ERICH5: variants seen among roughly 807,000 people sequenced by gnomAD.
ERICH5 encodes the protein glutamate rich 5, also known as glutamate-rich protein 5.
Under a neutral mutation model 28.0 loss-of-function variants are expected in ERICH5, and 24 were observed. The observed-to-expected ratio is 0.86, with a 90% confidence interval of 0.62 to 1.21. ERICH5 has a LOEUF of 1.21. Among genes scored for constraint, ERICH5 ranks in the 50% most tolerant of loss-of-function variants. The pLI, the probability that ERICH5 is intolerant of heterozygous loss-of-function variation, is 0.00. For missense variants in ERICH5, 421 were observed against 441.2 expected, an observed-to-expected ratio of 0.95 and a Z score of 0.41; for synonymous variants, 163 against 157.6, an observed-to-expected ratio of 1.03 and a Z score of -0.25.
intron 2 of ERICH5, among the ~76,000 whole-genome samples, chr8:98,091,368 G>A (rs1391850601): frequency 6.6e-6 from 1 of 152,196 alleles, no homozygotes; most frequent in Non-Finnish European, 1.5e-5. Flanking sequence ...CAGGATGTGC[G>A]TGCATCACCA....
chr8:98,076,556 A>G (rs1815059331), intron 1 of ERICH5, among the ~76,000 whole-genome samples: 1 of 152,154 alleles, frequency 6.6e-6, no homozygotes, highest in Admixed American at 6.5e-5. Flanking sequence ...TCCTTATATT[A>G]TCTTTCATGC....
intron 1 of ERICH5, among the ~76,000 whole-genome samples, chr8:98,067,484 T>G (rs541676193): frequency 2.6e-5 from 4 of 151,854 alleles, no homozygotes; most frequent in African/African-American, 9.7e-5. Context: ...ACTATATGTT[T>G]AAACCAGCTT....
chr8:98,067,557 G>T (rs1221682985), intron 1 of ERICH5, among the ~76,000 whole-genome samples: 2 of 151,422 alleles, frequency 1.3e-5, no homozygotes, highest in Admixed American at 1.3e-4. Flanking sequence ...TAGGTGTGTG[G>T]TCACCCACTA....
At chr8:98,072,404 G>A (rs1814934846) in intron 1 of ERICH5, among the ~76,000 whole-genome samples, 1 of 152,202 alleles carries the variant, frequency 6.6e-6, no homozygotes, top group South Asian at 2.1e-4. Context: ...GGAGGCCAAG[G>A]CAGGAGGATC....
intron 2 of ERICH5, among the ~76,000 whole-genome samples, chr8:98,091,907 T>TTCTTTCTG (rs1815406391): frequency 1.0e-5 from 1 of 100,266 alleles, no homozygotes; most frequent in African/African-American, 4.2e-5. Flanking sequence ...TTTCCTTTCT[T>TTCTTTCTG]TCTTTCTTTC....
chr8:98,078,706 A>G (rs185303951), intron 1 of ERICH5, among the ~76,000 whole-genome samples: 1 of 152,320 alleles, frequency 6.6e-6, no homozygotes, highest in East Asian at 1.9e-4. Flanking sequence ...TTCAGCTGTC[A>G]CAATGAATTT....
Position 98,090,039 on chromosome 8 carries a change from A to G in ERICH5, c.1012+10A>G. On this transcript the variant is annotated intron_variant, in intron 2 of 2. Transcript: ENST00000318528. The stretch of plus-strand genomic sequence containing the variant: ...GACCAACGCATTGAAGGTAAAAGTT[A>G]TGCTGGCAAACCTGGATGTTTAGAT... 6.3e-7 allele frequency: 1 copy of G among 1,591,992 alleles called. No individual in the cohort carries two copies. Among genetic ancestry groups the G allele is most frequent in the South Asian group, 1.1e-5 (1 of 88,722 alleles).
intron 1 of ERICH5, among the ~76,000 whole-genome samples, chr8:98,084,260 C>T (rs1474724606): frequency 2.0e-5 from 3 of 152,084 alleles, no homozygotes; most frequent in Non-Finnish European, 4.4e-5. Context: ...CTCTTTTCAG[C>T]CCCTGAACTG....
chr8:98,085,283 C>T (rs1815254289), intron 1 of ERICH5, among the ~76,000 whole-genome samples: 1 of 151,214 alleles, frequency 6.6e-6, no homozygotes, highest in Non-Finnish European at 1.5e-5. Flanking sequence ...GCCTCAGCCT[C>T]CCGAGTAGCT....
chr8:98,090,847 T>C (rs1404021997), intron 2 of ERICH5, among the ~76,000 whole-genome samples: 1 of 152,198 alleles, frequency 6.6e-6, no homozygotes. Context: ...TGGTAAATTT[T>C]AGCTTCACAG....
chr8:98,077,391 G>A (rs1379118735), intron 1 of ERICH5, among the ~76,000 whole-genome samples: 1 of 152,188 alleles, frequency 6.6e-6, no homozygotes, highest in Admixed American at 6.5e-5. Context: ...CTATGCAAAT[G>A]TTGGATTTCC....
chr8:98,080,564 C>T (rs1256160351), intron 1 of ERICH5, among the ~76,000 whole-genome samples: 2 of 151,996 alleles, frequency 1.3e-5, no homozygotes, highest in Admixed American at 6.6e-5. Flanking sequence ...TCCAATCTTT[C>T]ATTTCTTCTT....
At position 98,089,368 on chromosome 8, in the gene ERICH5, A is replaced by C; in HGVS notation, c.351A>C (p.Gln117His). ...GEGLEESGPP[Q>H]PGGKEDAPAA... ...GACTGGAGGAATCTGGGCCGCCTCA[A>C]CCAGGTGGCAAAGAGGATGCCCCAG... Residue 117 changes from glutamine (Q) to histidine (H), a missense_variant, in exon 2 of 3, where the codon CAA becomes CAC. Transcript: ENST00000318528. 1 of 1,614,268 alleles carries C rather than the reference A, an allele frequency of 6.2e-7. No homozygotes were observed. Among genetic ancestry groups the C allele is most frequent in the Non-Finnish European group, 8.5e-7 (1 of 1,180,044 alleles).
Position 98,093,458 on chromosome 8 carries a change from A to G in ERICH5, c.*125A>G. The G allele has an allele frequency of 1.8e-6, 1 of 562,780 alleles. No homozygotes were observed. The highest frequency in any genetic ancestry group is 3.1e-6 in the Non-Finnish European group (1 of 325,384). 34.9% of individuals were successfully genotyped at this position (562,780 alleles called of 1,614,324 possible). On this transcript the variant is annotated 3_prime_UTR_variant, in exon 3 of 3. Transcript: ENST00000318528. ...CTGTAAGGAGTGTGGTTATAGAGAG[A>G]CTGTTGGAACCATGAGAAGGATGTT... is the stretch of plus-strand genomic sequence containing the variant.
At chr8:98,071,505 G>T (rs1814917813) in intron 1 of ERICH5, among the ~76,000 whole-genome samples, 1 of 152,016 alleles carries the variant, frequency 6.6e-6, no homozygotes, top group Non-Finnish European at 1.5e-5. Flanking sequence ...TAGAGACAGG[G>T]TCTTGCTCTG....
Position 98,089,867 on chromosome 8 carries a change from G to A in ERICH5, c.850G>A (p.Asp284Asn). The A allele has an allele frequency of 1.2e-6, 2 of 1,614,154 alleles. No homozygotes were observed. The highest frequency in any genetic ancestry group is 1.7e-6 in the Non-Finnish European group (2 of 1,180,024). Residue 284 changes from aspartate (D) to asparagine (N), a missense_variant, in exon 2 of 3, where the codon GAT (aspartate) becomes AAT (asparagine). Asp to Asn is a conservative substitution (Grantham distance 23). Transcript: ENST00000318528. ...GCTTGTGGAAAAGCCTGTTATGAAT[G>A]ATCCATTCCATAAAACTCCTGAAGG... ...SQLVEKPVMN[D>N]PFHKTPEGPG...
intron 1 of ERICH5, among the ~76,000 whole-genome samples, chr8:98,074,994 G>A (rs1335558454): frequency 6.6e-6 from 1 of 152,108 alleles, no homozygotes; most frequent in African/African-American, 2.4e-5. Flanking sequence ...TGATGACTCT[G>A]ACAGTTTTGA....
chr8:98,079,705 A>AT (rs950102751), intron 1 of ERICH5, among the ~76,000 whole-genome samples: 3 of 151,908 alleles, frequency 2.0e-5, no homozygotes, highest in African/African-American at 4.8e-5. Context: ...AGCCCGGCTA[A>AT]TTTTTTGTAT....
At chr8:98,083,831 C>A (rs972375418) in intron 1 of ERICH5, among the ~76,000 whole-genome samples, 3 of 152,104 alleles carry the variant, frequency 2.0e-5, no homozygotes, top group Non-Finnish European at 4.4e-5. Flanking sequence ...CCAGCCTGAG[C>A]AATTCATGTG....
Sources: allele counts gnomAD v4.1 joint callset (sites outside exome capture counted in the v4.1 genomes callset), GRCh38; gene constraint gnomAD v4.1.1; transcripts MANE v1.5; gene names NCBI Gene and HGNC (gene_info 2026-07-23, HGNC 2026-07-21).